Variants in ADAMTS12 observed in about 807,000 individuals in gnomAD.
The protein encoded by ADAMTS12 is A disintegrin and metalloproteinase with thrombospondin motifs 12.
ADAMTS12 carries 118 observed loss-of-function variants against 167.8 expected under a neutral mutation model. The observed-to-expected ratio is 0.70, with a 90% CI of 0.61 to 0.82. ADAMTS12 has a LOEUF of 0.82. Among genes scored for constraint, ADAMTS12 ranks in the 40% least tolerant of loss-of-function variants. The pLI, the probability that ADAMTS12 is intolerant of heterozygous loss-of-function variation, is 0.00. For synonymous variants in ADAMTS12, 704 were observed against 716.9 expected, an observed-to-expected ratio of 0.98 and a Z score of 0.29; for missense variants, 1,916 against 1,998.8, an observed-to-expected ratio of 0.96 and a Z score of 0.79.
At chr5:33,826,816 C>T (rs1748089154) in intron 2 of ADAMTS12, among the ~76,000 whole-genome samples, 1 of 152,198 alleles carries the variant, frequency 6.6e-6, no homozygotes, top group Admixed American at 6.5e-5. Flanking sequence ...TGATGGTAAA[C>T]TTCTGTCCCC....
At chr5:33,810,687 T>C (rs1023008349) in intron 2 of ADAMTS12, among the ~76,000 whole-genome samples, 16 of 152,308 alleles carry the variant, frequency 1.1e-4, no homozygotes, top group Non-Finnish European at 1.9e-4. Flanking sequence ...AAACAAGGGA[T>C]ATGACAGCAT....
chr5:33,794,747 G>T (rs1325726065), intron 2 of ADAMTS12, among the ~76,000 whole-genome samples: 1 of 152,140 alleles, frequency 6.6e-6, no homozygotes, highest in Non-Finnish European at 1.5e-5. Context: ...AGGCATCTGA[G>T]GTACACACCT....
intron 2 of ADAMTS12, among the ~76,000 whole-genome samples, chr5:33,754,726 C>A (rs534057102): frequency 6.1e-4 from 93 of 152,116 alleles, no homozygotes; most frequent in African/African-American, 2.1e-3. Flanking sequence ...TGTGGTGGCA[C>A]GTGCCTGTAA....
intron 2 of ADAMTS12, among the ~76,000 whole-genome samples, chr5:33,787,803 C>A (rs552895855): frequency 2.0e-5 from 3 of 152,136 alleles, no homozygotes; most frequent in Non-Finnish European, 2.9e-5. Context: ...CAGAAAAGAG[C>A]GTGATATTTC....
intron 1 of ADAMTS12, 149 bp from the exon 2 acceptor site, chr5:33,881,629 C>T (rs893588176): frequency 1.6e-5 from 18 of 1,098,832 alleles, no homozygotes; most frequent in Middle Eastern, 2.9e-4. Flanking sequence ...TGGCACGATC[C>T]GGGCTCACCG....
rs1192908609 is a variant in ADAMTS12, at chr5:33,760,885, G to C, written c.490-9337C>G. Among the ~76,000 whole-genome samples the C allele has an allele frequency of 1.8e-4, 17 of 96,522 alleles. No individual in the cohort carries two copies. In the South Asian group the frequency reaches 3.5e-3, roughly 20 times the overall value. 63.3% of individuals were successfully genotyped at this position (96,522 alleles called of 152,430 possible). A position where few individuals can be genotyped will look rare whatever the true frequency, so the allele number is the denominator to read the frequency against. On this transcript the variant is annotated intron_variant, in intron 2 of 23. Coordinates refer to ENST00000504830, the MANE Select transcript of ADAMTS12 (RefSeq NM_030955.4). ...TAATTTCTTTGTCTTTGCTCTGTGT[G>C]TGTGTGTGTGTGTGTGTGTGTGTGT...
intron 18 of ADAMTS12, among the ~76,000 whole-genome samples, chr5:33,581,332 C>A (rs532457076): frequency 1.3e-5 from 2 of 152,216 alleles, no homozygotes; most frequent in East Asian, 1.9e-4. Flanking sequence ...TGTTAACCTG[C>A]TCTTTGGGAG....
chr5:33,565,805 T>A (rs1745987827), intron 19 of ADAMTS12, among the ~76,000 whole-genome samples: 1 of 152,154 alleles, frequency 6.6e-6, no homozygotes, highest in South Asian at 2.1e-4. Flanking sequence ...AACGTGTTAA[T>A]TAACCTTTGA....
chr5:33,638,312 A>G (rs956295065), intron 11 of ADAMTS12, among the ~76,000 whole-genome samples: 2 of 152,194 alleles, frequency 1.3e-5, no homozygotes, highest in African/African-American at 4.8e-5. Context: ...GATGACCTTA[A>G]TTATTTTAGT....
At chr5:33,548,994 AT>A (rs1745118308) in intron 21 of ADAMTS12, among the ~76,000 whole-genome samples, 2 of 152,364 alleles carry the variant, frequency 1.3e-5, no homozygotes, top group South Asian at 4.1e-4. Flanking sequence ...GATTAAAACT[AT>A]AACACATTGT....
At position 33,719,138 on chromosome 5, in the gene ADAMTS12, T is replaced by G. The variant is rs556990582; in HGVS notation, c.634+32266A>C. Among the ~76,000 whole-genome samples the G allele has an allele frequency of 2.0e-5, 3 of 152,266 alleles. No individual in the cohort carries two copies. In the South Asian group the frequency reaches 6.2e-4, roughly 32 times the overall value. The stretch of plus-strand genomic sequence containing the variant: ...AATAGAAGTTCTCAGAGCTTAATGA[T>G]CCACTTGGGATTTAATTCTTAGGTA... On this transcript the variant is annotated intron_variant, in intron 3 of 23. Transcript: ENST00000504830.
intron 2 of ADAMTS12, among the ~76,000 whole-genome samples, chr5:33,752,465 G>A (rs893942641): frequency 4.6e-5 from 7 of 152,188 alleles, no homozygotes; most frequent in African/African-American, 1.2e-4. Flanking sequence ...ATGCAATAGT[G>A]AGCAAGTGAC....
At chr5:33,836,846 G>A (rs1050593287) in intron 2 of ADAMTS12, among the ~76,000 whole-genome samples, 4 of 152,312 alleles carry the variant, frequency 2.6e-5, no homozygotes, top group East Asian at 3.9e-4. Flanking sequence ...TAGAGGGCTG[G>A]TGGTAGAATG....
At chr5:33,686,223 C>T (rs1161000144) in intron 3 of ADAMTS12, among the ~76,000 whole-genome samples, 1 of 152,136 alleles carries the variant, frequency 6.6e-6, no homozygotes, top group African/African-American at 2.4e-5. Context: ...CCTTGGCCCC[C>T]GCAGGCTCAG....
chr5:33,784,476 A>G (rs1195647218), intron 2 of ADAMTS12, among the ~76,000 whole-genome samples: 1 of 152,026 alleles, frequency 6.6e-6, no homozygotes, highest in Admixed American at 6.6e-5. Context: ...CTTACTAGAC[A>G]TAACAAGCAA....
chr5:33,668,866 A>T (rs1741571819), intron 5 of ADAMTS12, among the ~76,000 whole-genome samples: 1 of 152,190 alleles, frequency 6.6e-6, no homozygotes, highest in Admixed American at 6.5e-5. Context: ...CAGACTTGTA[A>T]CTTTCCCACT....
At chr5:33,573,070 C>T (rs2111946240) in intron 19 of ADAMTS12, among the ~76,000 whole-genome samples, 1 of 152,206 alleles carries the variant, frequency 6.6e-6, no homozygotes, top group South Asian at 2.1e-4. Flanking sequence ...TCAAGGAGAA[C>T]TACAAACCAC....
intron 2 of ADAMTS12, among the ~76,000 whole-genome samples, chr5:33,796,888 C>T (rs1046162577): frequency 3.9e-5 from 6 of 152,292 alleles, no homozygotes; most frequent in Admixed American, 6.5e-5. Flanking sequence ...GAGCTGTGGA[C>T]TCCCTAAGTC....
intron 3 of ADAMTS12, among the ~76,000 whole-genome samples, chr5:33,708,164 GA>G (rs1298462005): frequency 6.6e-6 from 1 of 152,146 alleles, no homozygotes; most frequent in Non-Finnish European, 1.5e-5. Context: ...CTCAAAGGAA[GA>G]CATTTATGCA....
Sources: gnomAD v4.1 joint callset for allele counts (sites outside exome capture counted in the v4.1 genomes callset) on GRCh38, gnomAD v4.1.1 for gene constraint, MANE v1.5 for transcripts, NCBI Gene and HGNC (gene_info 2026-07-23, HGNC 2026-07-21) for gene names.